The following PATL1 variants were observed in gnomAD, a reference collection of about 807,000 sequenced individuals.
PATL1 encodes the protein PAT1 homolog 1, processing body mRNA decay factor.
PATL1 carries 32 observed loss-of-function variants against 100.6 expected under a neutral mutation model. That is an observed-to-expected ratio of 0.32 (90% CI 0.24 to 0.43). PATL1 has a LOEUF of 0.43. PATL1 is among the 20% of genes least tolerant of loss of function. PATL1 has a pLI of 1.00. For synonymous variants in PATL1, 332 were observed against 330.0 expected (o/e 1.01, Z -0.07); for missense variants, 747 against 949.9 (o/e 0.79, Z 2.81).
At chr11:59,645,374 T>C (rs1229774345) in intron 15 of PATL1, among the ~76,000 whole-genome samples, 1 of 142,746 alleles carries the variant, frequency 7.0e-6, no homozygotes, top group Non-Finnish European at 1.5e-5. Flanking sequence ...GAGGTGCCCC[T>C]CACTTCCCCC....
At chr11:59,654,366 A>G (rs1201478557) in intron 8 of PATL1, among the ~76,000 whole-genome samples, 1 of 151,824 alleles carries the variant, frequency 6.6e-6, no homozygotes, top group Non-Finnish European at 1.5e-5. Context: ...AGTCCCAGCT[A>G]CTTGGGAGGC....
chr11:59,644,908 T>A (rs1376763657), intron 15 of PATL1, among the ~76,000 whole-genome samples: 13 of 142,136 alleles, frequency 9.1e-5, no homozygotes, highest in African/African-American at 3.3e-4. Flanking sequence ...TTTTTTTTTT[T>A]TAAAAAAAAA....
At chr11:59,651,882 T>A (rs1045800619) in intron 11 of PATL1, among the ~76,000 whole-genome samples, 2 of 151,512 alleles carry the variant, frequency 1.3e-5, no homozygotes, top group African/African-American at 4.9e-5. Context: ...CTGGCCAACA[T>A]AGCGAAACCC....
Position 59,661,840 on chromosome 11 carries a change from T to C in PATL1, c.128-2371A>G, listed in dbSNP as rs143737229. Among the ~76,000 whole-genome samples, 884 of 152,348 alleles carry C rather than the reference T, an allele frequency of 5.8e-3. 4 individuals are homozygous for C. The highest frequency in any genetic ancestry group is 9.2e-3 in the Non-Finnish European group (627 of 68,026). On this transcript the variant is annotated intron_variant, in intron 2 of 18. Transcript: ENST00000300146. ...GCATGCACACAGGCATAACTACTGATAGTAACTCATTCTTTTTAATACCTA... is the reference window on the plus strand; with the variant it reads ...GCATGCACACAGGCATAACTACTGACAGTAACTCATTCTTTTTAATACCTA...
At chr11:59,666,554 T>C (rs1861693884) in intron 2 of PATL1, among the ~76,000 whole-genome samples, 1 of 152,164 alleles carries the variant, frequency 6.6e-6, no homozygotes, top group Non-Finnish European at 1.5e-5. Flanking sequence ...CTCTTAAATG[T>C]TTACTTCTCT....
chr11:59,637,139 A>G lies in PATL1; in HGVS notation c.*1251T>C, dbSNP rs1016192696. 6.6e-6 allele frequency: 1 copy of G among 152,638 alleles called. No individual in the cohort carries two copies. Among genetic ancestry groups the G allele is most frequent in the African/African-American group, 2.4e-5 (1 of 41,454 alleles). The allele number at this position is 152,638 out of a possible 1,614,324, so 9.5% of individuals were successfully genotyped here. A position where few individuals can be genotyped will look rare whatever the true frequency, so the allele number is the denominator to read the frequency against. On this transcript the variant is annotated 3_prime_UTR_variant, in exon 19 of 19. Coordinates refer to ENST00000300146, the MANE Select transcript of PATL1 (RefSeq NM_152716.3). Reference sequence around the variant, plus strand: ...AGTAAGAACAGCAGAAAGATCACGAAGGCCATGTAAAATTAATTCAGATTT... The same window carrying G: ...AGTAAGAACAGCAGAAAGATCACGAGGGCCATGTAAAATTAATTCAGATTT...
rs1861739508 is a variant in PATL1 at position 59,668,987 on chromosome 11, C to G, written c.-92G>C. 2 of 301,540 alleles carry G rather than the reference C, an allele frequency of 6.6e-6. No individual in the cohort carries two copies. Among genetic ancestry groups the G allele is most frequent in the Non-Finnish European group, 1.3e-5 (2 of 158,280 alleles). The allele number at this position is 301,540 out of a possible 1,614,324, so 18.7% of individuals were successfully genotyped here. A position where few individuals can be genotyped will look rare whatever the true frequency, so the allele number is the denominator to read the frequency against. On this transcript the variant is annotated 5_prime_UTR_variant, in exon 1 of 19. Coordinates refer to ENST00000300146, the MANE Select transcript of PATL1 (RefSeq NM_152716.3). ...GGCTCCTCCGCGCGCGGGTCCTCCA[C>G]CGGCTCGCGACCCCTGGCCGCCGCC...
At chr11:59,653,065 G>C in intron 9 of PATL1, 47 bp from the exon 10 acceptor site, 1 of 1,451,636 alleles carries the variant, frequency 6.9e-7, no homozygotes, top group Non-Finnish European at 9.3e-7. Flanking sequence ...AATTAATTAC[G>C]CTTTTTAACA....
intron 16 of PATL1, 81 bp from the exon 17 acceptor site, chr11:59,639,464 G>T: frequency 9.5e-7 from 1 of 1,048,068 alleles, no homozygotes; most frequent in Non-Finnish European, 1.4e-6. Context: ...CCTGGCATCA[G>T]ATGGGGAACA....
intron 16 of PATL1, among the ~76,000 whole-genome samples, chr11:59,641,161 G>T (rs1335478798): frequency 1.3e-5 from 2 of 150,862 alleles, no homozygotes; most frequent in African/African-American, 4.9e-5. Flanking sequence ...ACAGAGCAAG[G>T]CTCTGTCTCA....
At position 59,643,072 on chromosome 11, in the gene PATL1, G is replaced by A. The variant is rs756704688; in HGVS notation, c.1894-37C>T. The A allele has an allele frequency of 3.8e-5, 61 of 1,597,746 alleles. 1 individual carries two copies. In the South Asian group the frequency reaches 5.8e-4, roughly 15 times the overall value. On this transcript the variant is annotated intron_variant, in intron 15 of 18. Coordinates refer to ENST00000300146, the MANE Select transcript of PATL1 (RefSeq NM_152716.3). ...AAATAAAAGCATTATATCCTGGCAC[G>A]TGTTACTTCAGTTACCCCCCACCAG...
At chr11:59,649,759 G>A (rs1861415582) in intron 13 of PATL1, 149 bp from the exon 14 acceptor site, 1 of 833,452 alleles carries the variant, frequency 1.2e-6, no homozygotes, top group Non-Finnish European at 1.8e-6. Context: ...AAAACCATAT[G>A]AAATAACTTA....
intron 1 of PATL1, among the ~76,000 whole-genome samples, chr11:59,668,605 G>T (rs1443825245): frequency 6.6e-6 from 1 of 151,956 alleles, no homozygotes; most frequent in Non-Finnish European, 1.5e-5. Flanking sequence ...GGGGGCGGGG[G>T]TGTGGTCTGG....
chr11:59,652,441 C>A (rs773845427), intron 11 of PATL1, 23 bp downstream of exon 11: 1 of 1,588,792 alleles, frequency 6.3e-7, no homozygotes, highest in Non-Finnish European at 8.5e-7. Context: ...TTATTATGGG[C>A]ATTTTTCTTA....
At chr11:59,663,546 A>G (rs991765130) in intron 2 of PATL1, among the ~76,000 whole-genome samples, 1 of 152,156 alleles carries the variant, frequency 6.6e-6, no homozygotes, top group African/African-American at 2.4e-5. Flanking sequence ...TGAGGATAAT[A>G]ATAGTACCTA....
rs1410687276 is a variant in PATL1, at chr11:59,655,759, T to G, written c.814-19A>C. The G allele has an allele frequency of 6.4e-7, 1 of 1,561,416 alleles. No individual in the cohort carries two copies. The highest frequency in any genetic ancestry group is 1.4e-5 in the African/African-American group (1 of 73,528). On this transcript the variant is annotated intron_variant, in intron 7 of 18. Transcript: ENST00000300146. Reference sequence around the variant, plus strand: ...GCTGTAGCTACAAAGAGGAAGAAGATCTTAGATTTAGACAATCAGCAAGTC... The same window carrying G: ...GCTGTAGCTACAAAGAGGAAGAAGAGCTTAGATTTAGACAATCAGCAAGTC...
rs1189003087 is a variant in PATL1, at chr11:59,656,061, A to G, written c.724-16T>C. On this transcript the variant is annotated splice_polypyrimidine_tract_variant and intron_variant, in intron 6 of 18. Coordinates refer to ENST00000300146, the MANE Select transcript of PATL1 (RefSeq NM_152716.3). The stretch of plus-strand genomic sequence containing the variant: ...GGGAAGAGTTCTAAGGTAAAAAAAA[A>G]AAAAAAAAAAAGAATATGCTATAAA... The G allele has an allele frequency of 7.3e-7, 1 of 1,376,732 alleles. No individual in the cohort carries two copies. Among genetic ancestry groups the G allele is most frequent in the South Asian group, 1.6e-5 (1 of 64,380 alleles). The allele number at this position is 1,376,732 out of a possible 1,614,324, so 85.3% of individuals were successfully genotyped here.
At chr11:59,646,681 T>C (rs568357509) in intron 15 of PATL1, among the ~76,000 whole-genome samples, 7 of 152,334 alleles carry the variant, frequency 4.6e-5, no homozygotes, top group African/African-American at 1.7e-4. Context: ...ACTCAACTTG[T>C]AGTCTATAAC....
At position 59,654,083 on chromosome 11, in the gene PATL1, C is replaced by T. The variant is rs113191943; in HGVS notation, c.1032-11G>A. On this transcript the variant is annotated splice_polypyrimidine_tract_variant and intron_variant, in intron 8 of 18. Transcript: ENST00000300146. ...ATTGGGGCCTGAGATCTAAGAAAAACGGAAAAGAGGTTCTCAGTTTGGTCA... is the reference window on the plus strand; with the variant it reads ...ATTGGGGCCTGAGATCTAAGAAAAATGGAAAAGAGGTTCTCAGTTTGGTCA... 2.7e-4 allele frequency: 431 copies of T among 1,606,374 alleles called. 3 individuals are homozygous for T. Among genetic ancestry groups the T allele is most frequent in the African/African-American group, 6.5e-4 (49 of 74,834 alleles).
Sources: allele counts gnomAD v4.1 joint callset (sites outside exome capture counted in the v4.1 genomes callset), GRCh38; gene constraint gnomAD v4.1.1; transcripts MANE v1.5; gene names NCBI Gene and HGNC (gene_info 2026-07-23, HGNC 2026-07-21).